KIF6: variants seen among roughly 807,000 people sequenced by gnomAD.
KIF6 encodes kinesin family member 6.
KIF6 carries 106 observed loss-of-function variants against 112.7 expected under a neutral mutation model. That is an observed-to-expected ratio of 0.94 (90% CI 0.80 to 1.11). The LOEUF (loss-of-function observed/expected upper bound fraction) is 1.11. Among genes scored for constraint, KIF6 ranks in the 50% least tolerant of loss-of-function variants. KIF6 has a pLI of 0.00. For synonymous variants in KIF6, 339 were observed against 339.9 expected (o/e 1.00, Z 0.03); for missense variants, 929 against 964.0 (o/e 0.96, Z 0.48).
chr6:39,565,778 T>G (rs1016525106), intron 10 of KIF6, among the ~76,000 whole-genome samples: 3 of 152,200 alleles, frequency 2.0e-5, no homozygotes, highest in African/African-American at 7.2e-5. Flanking sequence ...TCATAAAACA[T>G]TTGAGTATTT....
chr6:39,567,477 C>A (rs1181466187), intron 10 of KIF6, among the ~76,000 whole-genome samples: 2 of 152,208 alleles, frequency 1.3e-5, no homozygotes, highest in African/African-American at 4.8e-5. Flanking sequence ...ATCTTAGTGA[C>A]TAAACAGTTT....
In KIF6 at chr6:39,545,663, A is replaced by G. The variant is rs1779035287; in HGVS notation, c.1207T>C (p.Leu403=). 1 of 1,613,240 alleles carries G rather than the reference A, an allele frequency of 6.2e-7. No individual in the cohort carries two copies. ...LQLEKLITSF[L]EDQDSDSRLE... ...CTACTGTCTGAATCCTGGTCTTCCA[A>G]AAAGGATGTTATTAGTTTTTCCAGC... Residue 403 remains leucine (L), a synonymous_variant, in exon 11 of 23, where the codon TTG becomes CTG. Transcript: ENST00000287152.
chr6:39,376,700 A>G (rs1427054293), intron 16 of KIF6, among the ~76,000 whole-genome samples: 2 of 152,236 alleles, frequency 1.3e-5, no homozygotes, highest in African/African-American at 4.8e-5. Flanking sequence ...GACTAGCTGC[A>G]TCACAGAGGG....
At chr6:39,425,032 G>A (rs1770662423) in intron 14 of KIF6, among the ~76,000 whole-genome samples, 1 of 152,164 alleles carries the variant, frequency 6.6e-6, no homozygotes, top group Non-Finnish European at 1.5e-5. Flanking sequence ...CATGACTGGG[G>A]AAGCAGCTGG....
At chr6:39,625,208 T>C (rs1471489547) in intron 5 of KIF6, among the ~76,000 whole-genome samples, 1 of 150,342 alleles carries the variant, frequency 6.7e-6, no homozygotes, top group Non-Finnish European at 1.5e-5. Flanking sequence ...GGTATTTTGT[T>C]ATGGCAACCC....
At chr6:39,721,249 T>C (rs1486957282) in intron 1 of KIF6, among the ~76,000 whole-genome samples, 1 of 152,194 alleles carries the variant, frequency 6.6e-6, no homozygotes, top group African/African-American at 2.4e-5. Context: ...CCATCTCAGA[T>C]AGCTCACCAA....
intron 6 of KIF6, among the ~76,000 whole-genome samples, chr6:39,597,356 G>C (rs996134285): frequency 2.6e-5 from 4 of 152,102 alleles, no homozygotes; most frequent in Admixed American, 1.3e-4. Flanking sequence ...AACAATAAAA[G>C]GGGACTTTCC....
intron 15 of KIF6, among the ~76,000 whole-genome samples, chr6:39,397,110 C>T (rs890448821): frequency 5.3e-5 from 8 of 152,168 alleles, no homozygotes; most frequent in African/African-American, 1.4e-4. Flanking sequence ...GACCTTTCAG[C>T]ACTCGCTGAC....
chr6:39,666,339 A>G (rs530652247), intron 3 of KIF6, among the ~76,000 whole-genome samples: 18 of 152,334 alleles, frequency 1.2e-4, no homozygotes, highest in Middle Eastern at 6.8e-3. Flanking sequence ...TCCAGTCATT[A>G]GTACATAAAC....
chr6:39,656,500 CA>C (rs1484705686), intron 3 of KIF6, among the ~76,000 whole-genome samples: 1 of 152,158 alleles, frequency 6.6e-6, no homozygotes, highest in African/African-American at 2.4e-5. Context: ...GGATAAGATC[CA>C]ATTTTTTCTG....
In KIF6 at chr6:39,334,190, C is replaced by T. The variant is rs912507674; in HGVS notation, c.*2342G>A. 10 of 152,272 alleles carry T rather than the reference C, an allele frequency of 6.6e-5. No homozygotes were observed. Among genetic ancestry groups the T allele is most frequent in the African/African-American group, 9.6e-5 (4 of 41,472 alleles). 9.4% of individuals were successfully genotyped at this position (152,272 alleles called of 1,614,324 possible). On this transcript the variant is annotated 3_prime_UTR_variant, in exon 23 of 23. Transcript: ENST00000287152. ...TCCTTTCCTGTCTTAGTGATTGCCC[C>T]AGGAGGCTGGTTCACACCCCGCATG...
intron 19 of KIF6, 53 bp from the exon 20 acceptor site, chr6:39,346,579 T>TA (rs1251778452): frequency 3.0e-6 from 2 of 665,496 alleles, no homozygotes; most frequent in Non-Finnish European, 5.4e-6. Flanking sequence ...AGTATTTTGT[T>TA]ATAGCAGCCT....
chr6:39,386,809 T>A (rs1377364834), intron 15 of KIF6, among the ~76,000 whole-genome samples: 1 of 152,186 alleles, frequency 6.6e-6, no homozygotes, highest in Admixed American at 6.5e-5. Flanking sequence ...CTCAGCACAC[T>A]TGTTAAAATG....
intron 12 of KIF6, among the ~76,000 whole-genome samples, chr6:39,542,547 T>A (rs1293815632): frequency 6.6e-6 from 1 of 152,240 alleles, no homozygotes; most frequent in Non-Finnish European, 1.5e-5. Flanking sequence ...GTCACAGTCT[T>A]AGCCTTCTGG....
intron 22 of KIF6, among the ~76,000 whole-genome samples, chr6:39,340,054 A>AT (rs1004109103): frequency 6.6e-6 from 1 of 152,154 alleles, no homozygotes; most frequent in Non-Finnish European, 1.5e-5. Flanking sequence ...GGGTGCCCTG[A>AT]TAAGTGGGCT....
chr6:39,668,873 T>C (rs1158073358), intron 3 of KIF6, among the ~76,000 whole-genome samples: 2 of 152,010 alleles, frequency 1.3e-5, no homozygotes, highest in East Asian at 3.9e-4. Flanking sequence ...AAAAATGAAA[T>C]CTAAAAATGA....
At chr6:39,461,038 A>G (rs917528365) in intron 13 of KIF6, among the ~76,000 whole-genome samples, 5 of 152,212 alleles carry the variant, frequency 3.3e-5, no homozygotes, top group Admixed American at 3.3e-4. Flanking sequence ...ATTTCAATAT[A>G]TAATAAATGT....
intron 18 of KIF6, 38 bp from the exon 19 acceptor site, chr6:39,357,412 A>G (rs1476632331): frequency 8.1e-7 from 1 of 1,237,570 alleles, no homozygotes; most frequent in East Asian, 2.3e-5. Flanking sequence ...TGTTAGCTTG[A>G]ATCTAATGAC....
At chr6:39,392,702 T>A (rs950637688) in intron 15 of KIF6, among the ~76,000 whole-genome samples, 9 of 152,078 alleles carry the variant, frequency 5.9e-5, no homozygotes, top group Admixed American at 4.6e-4. Flanking sequence ...GGAAGACAGT[T>A]GGAAAAACTG....
Sources: allele counts gnomAD v4.1 joint callset (sites outside exome capture counted in the v4.1 genomes callset), GRCh38; gene constraint gnomAD v4.1.1; transcripts MANE v1.5; gene names NCBI Gene and HGNC (gene_info 2026-07-23, HGNC 2026-07-21).